Variants in PKD2L2 observed in about 807,000 individuals in gnomAD.
The protein encoded by PKD2L2 is polycystin 2 like 2, transient receptor potential cation channel.
Under a neutral mutation model 83.9 loss-of-function variants are expected in PKD2L2, and 67 were observed. The observed-to-expected ratio is 0.80, with a 90% CI of 0.66 to 0.98. The LOEUF (loss-of-function observed/expected upper bound fraction) is 0.98, where lower values mean the gene tolerates loss of function less well. Among genes scored for constraint, PKD2L2 ranks in the 50% least tolerant of loss-of-function variants. The pLI is 0.00. For synonymous variants in PKD2L2, 223 were observed against 237.8 expected, an observed-to-expected ratio of 0.94 and a Z score of 0.57; for missense variants, 632 against 717.2, an observed-to-expected ratio of 0.88 and a Z score of 1.36.
chr5:137,940,743 T>C (rs965581677), intron 14 of PKD2L2, among the ~76,000 whole-genome samples: 1 of 152,202 alleles, frequency 6.6e-6, no homozygotes, highest in Non-Finnish European at 1.5e-5. Context: ...AAGTAAACTA[T>C]CTTATCTGCA....
At chr5:137,899,274 GC>G (rs1041552495) in intron 4 of PKD2L2, among the ~76,000 whole-genome samples, 17 of 152,196 alleles carry the variant, frequency 1.1e-4, no homozygotes, top group Admixed American at 9.2e-4. Context: ...ATGCCACCAT[GC>G]CTGGCTAGTT....
intron 8 of PKD2L2, among the ~76,000 whole-genome samples, chr5:137,920,695 T>C (rs1758814661): frequency 6.6e-6 from 1 of 151,056 alleles, no homozygotes. Flanking sequence ...AGGCAGAGGT[T>C]GTGGTGAGCC....
chr5:137,919,832 CT>C (rs1283349455), intron 8 of PKD2L2, among the ~76,000 whole-genome samples: 1 of 152,126 alleles, frequency 6.6e-6, no homozygotes, highest in African/African-American at 2.4e-5. Context: ...CTTTTTGCTC[CT>C]TTTATGTGAT....
chr5:137,927,969 G>T (rs1753996854), intron 12 of PKD2L2, among the ~76,000 whole-genome samples: 1 of 151,540 alleles, frequency 6.6e-6, no homozygotes, highest in South Asian at 2.1e-4. Flanking sequence ...GACGTGAATT[G>T]AAAGACATAC....
At chr5:137,941,161 G>A (rs1483280772) in intron 14 of PKD2L2, among the ~76,000 whole-genome samples, 2 of 152,106 alleles carry the variant, frequency 1.3e-5, no homozygotes, top group African/African-American at 4.8e-5. Context: ...ACCCGCCTCA[G>A]CCTCCCAAAG....
intron 5 of PKD2L2, 32 bp downstream of exon 5, chr5:137,899,769 G>C: frequency 7.9e-7 from 1 of 1,259,344 alleles, no homozygotes; most frequent in Non-Finnish European, 1.1e-6. Flanking sequence ...TTCATAGACA[G>C]TGGTCAATGG....
chr5:137,937,478 G>C (rs934544719), intron 14 of PKD2L2, among the ~76,000 whole-genome samples: 1 of 152,188 alleles, frequency 6.6e-6, no homozygotes, highest in Non-Finnish European at 1.5e-5. Context: ...AAATTGGAGA[G>C]AAACTCTTCT....
chr5:137,916,578 C>G (rs1758374254), intron 8 of PKD2L2, among the ~76,000 whole-genome samples: 1 of 138,214 alleles, frequency 7.2e-6, no homozygotes, highest in Non-Finnish European at 1.5e-5. Flanking sequence ...TTCCAAGGTT[C>G]AAGTGATTCT....
intron 8 of PKD2L2, among the ~76,000 whole-genome samples, chr5:137,918,542 T>C (rs1758585099): frequency 6.6e-6 from 1 of 152,164 alleles, no homozygotes; most frequent in Admixed American, 6.5e-5. Flanking sequence ...TTGAAAGACA[T>C]AGTATTTATT....
Position 137,890,469 on chromosome 5 carries a change from T to C in PKD2L2, c.32-12T>C. The C allele has an allele frequency of 3.4e-6, 5 of 1,487,188 alleles. No homozygotes were observed. Among genetic ancestry groups the C allele is most frequent in the Non-Finnish European group, 4.6e-6 (5 of 1,087,456 alleles). 92.1% of individuals were successfully genotyped at this position (1,487,188 alleles called of 1,614,324 possible). On this transcript the variant is annotated splice_polypyrimidine_tract_variant and intron_variant, in intron 1 of 14. Coordinates refer to ENST00000508883, the MANE Select transcript of PKD2L2 (RefSeq NM_001300921.2). Reference sequence around the variant, plus strand: ...AATAATGTAAAGAAAAATTTTGTCTTATATCTCACAGGGGCTTCGAAACAT... The same window carrying C: ...AATAATGTAAAGAAAAATTTTGTCTCATATCTCACAGGGGCTTCGAAACAT...
intron 5 of PKD2L2, among the ~76,000 whole-genome samples, chr5:137,903,889 T>C (rs972534643): frequency 3.9e-5 from 6 of 152,284 alleles, no homozygotes; most frequent in African/African-American, 1.4e-4. Context: ...CCTGAGTATC[T>C]GGGATTACAG....
chr5:137,892,623 C>G lies in PKD2L2; in HGVS notation c.267+10C>G. 1 of 1,609,300 alleles carries G rather than the reference C, an allele frequency of 6.2e-7. No homozygotes were observed. On this transcript the variant is annotated intron_variant, in intron 3 of 14. Transcript: ENST00000508883. Reference sequence around the variant, plus strand: ...AACTGATTTTTGGAAGGTAAAGTATCTTGTGACTGTGGATGAAGTAGATTT... The same window carrying G: ...AACTGATTTTTGGAAGGTAAAGTATGTTGTGACTGTGGATGAAGTAGATTT...
At chr5:137,931,268 A>T (rs1418846350) in intron 12 of PKD2L2, among the ~76,000 whole-genome samples, 3 of 152,212 alleles carry the variant, frequency 2.0e-5, no homozygotes, top group African/African-American at 7.2e-5. Context: ...CAAGATTTTA[A>T]GGAGCAAACA....
chr5:137,908,784 TTAACA>T lies in PKD2L2; in HGVS notation c.1167_1171del (p.Phe389LeufsTer15). The T allele has an allele frequency of 6.4e-7, 1 of 1,558,612 alleles. No individual in the cohort carries two copies. The highest frequency in any genetic ancestry group is 8.7e-7 in the Non-Finnish European group (1 of 1,145,872). Reference sequence around the variant, plus strand: ...TTTCAGATATTCAAATTCATAAGCTTTAACAAGACAATGTCTCAGCTGTCATCAAC... The same window carrying T: ...TTTCAGATATTCAAATTCATAAGCTTAGACAATGTCTCAGCTGTCATCAAC... On this transcript the variant is annotated frameshift_variant, in exon 8 of 15. Coordinates refer to ENST00000508883, the MANE Select transcript of PKD2L2 (RefSeq NM_001300921.2). LOFTEE classifies it high-confidence loss of function.
At chr5:137,919,968 C>T (rs540956986) in intron 8 of PKD2L2, among the ~76,000 whole-genome samples, 115 of 152,252 alleles carry the variant, frequency 7.6e-4, no homozygotes, top group African/African-American at 2.5e-3. Context: ...GAGCCCAAGG[C>T]GGGTGGATCA....
chr5:137,908,031 T>G, intron 7 of PKD2L2, 119 bp downstream of exon 7: 1 of 514,832 alleles, frequency 1.9e-6, no homozygotes. Flanking sequence ...TAAAAGTAGT[T>G]TGGGCCAGCA....
At chr5:137,929,048 T>C (rs1759618298) in intron 12 of PKD2L2, among the ~76,000 whole-genome samples, 1 of 152,158 alleles carries the variant, frequency 6.6e-6, no homozygotes, top group Non-Finnish European at 1.5e-5. Flanking sequence ...AAAATAACAT[T>C]ATTGAATATA....
In PKD2L2 at chr5:137,925,058, G is replaced by C. The variant is rs199811115; in HGVS notation, c.1570G>C (p.Glu524Gln). ...TGCCCAGAGTTACAAAAATGTTCTC[G>C]AGAAATTCAGACTGAAGAAAGCTCA... ...MIKQSYKNVL[E>Q]KFRLKKAQKD... The change falls in exon 11 of 15, where the codon GAG (glutamate) becomes CAG (glutamine). Residue 524 changes from glutamate (E) to glutamine (Q), a missense_variant. Physicochemically the swap from Glu to Gln is conservative, Grantham distance 29. Transcript: ENST00000508883. 3.1e-6 allele frequency: 5 copies of C among 1,601,202 alleles called. No individual in the cohort carries two copies. Among genetic ancestry groups the C allele is most frequent in the Non-Finnish European group, 4.3e-6 (5 of 1,168,830 alleles).
At chr5:137,917,957 G>T (rs1333497644) in intron 8 of PKD2L2, among the ~76,000 whole-genome samples, 3 of 152,104 alleles carry the variant, frequency 2.0e-5, no homozygotes, top group Non-Finnish European at 4.4e-5. Flanking sequence ...ATTGCACTTT[G>T]GGAGCCTCCT....
Sources: gnomAD v4.1 joint callset for allele counts (sites outside exome capture counted in the v4.1 genomes callset) on GRCh38, gnomAD v4.1.1 for gene constraint, MANE v1.5 for transcripts, NCBI Gene and HGNC (gene_info 2026-07-23, HGNC 2026-07-21) for gene names.